The following FHIT variants were observed in gnomAD, a reference collection of about 807,000 sequenced individuals.
FHIT encodes the protein fragile histidine triad diadenosine triphosphatase.
A neutral mutation model predicts 17.9 loss-of-function variants in FHIT; 19 were observed. The observed-to-expected ratio is 1.06, with a 90% CI of 0.74 to 1.56. FHIT has a LOEUF of 1.56. Among genes scored for constraint, FHIT ranks in the 40% most tolerant of loss-of-function variants. The pLI, the probability that FHIT is intolerant of heterozygous loss-of-function variation, is 0.00. For synonymous variants in FHIT, 81 were observed against 69.7 expected (o/e 1.16, Z -0.81); for missense variants, 248 against 189.2 (o/e 1.31, Z -1.82).
At chr3:60,724,841 G>T (rs2041885226) in intron 4 of FHIT, among the ~76,000 whole-genome samples, 2 of 151,794 alleles carry the variant, frequency 1.3e-5, no homozygotes, top group African/African-American at 4.8e-5. Context: ...TTGAGATGGG[G>T]TTTCACCATG....
At chr3:60,782,237 G>GTGTA (rs1553725880) in intron 4 of FHIT, among the ~76,000 whole-genome samples, 137 of 95,590 alleles carry the variant, frequency 1.4e-3, no homozygotes, top group Middle Eastern at 6.4e-3. Context: ...GTGTGTGTGT[G>GTGTA]TATATATATA....
chr3:60,615,202 G>A (rs1236424812), intron 4 of FHIT, among the ~76,000 whole-genome samples: 2 of 152,146 alleles, frequency 1.3e-5, no homozygotes, highest in African/African-American at 2.4e-5. Flanking sequence ...TACTATCTGG[G>A]GATAATCTAG....
At chr3:60,414,861 TA>T (rs1225308791) in intron 5 of FHIT, among the ~76,000 whole-genome samples, 3 of 152,168 alleles carry the variant, frequency 2.0e-5, no homozygotes, top group African/African-American at 7.2e-5. Flanking sequence ...TTGAAACATT[TA>T]ACTGGCTTCC....
At chr3:61,196,424 C>T (rs894912640) in intron 2 of FHIT, among the ~76,000 whole-genome samples, 2 of 151,850 alleles carry the variant, frequency 1.3e-5, no homozygotes, top group Admixed American at 6.6e-5. Context: ...CCAAAACTTG[C>T]TTTTAAAAAA....
chr3:60,740,324 G>C (rs1466985598), intron 4 of FHIT, among the ~76,000 whole-genome samples: 1 of 152,022 alleles, frequency 6.6e-6, no homozygotes, highest in African/African-American at 2.4e-5. Flanking sequence ...GTGACCCCTG[G>C]CAATTCATTA....
In FHIT at chr3:60,869,942, G is replaced by C. The variant is rs117156573; in HGVS notation, c.-110-47931C>G. On this transcript the variant is annotated intron_variant, in intron 3 of 9. Coordinates refer to ENST00000492590, the MANE Select transcript of FHIT (RefSeq NM_002012.4). ...CCTCAGTACCCTGCTTTACCATTTA[G>C]TGTGGATTCTGACAAAAGAACAAAT... is the stretch of plus-strand genomic sequence containing the variant. Among the ~76,000 whole-genome samples, 7 of 152,212 alleles carry C rather than the reference G, an allele frequency of 4.6e-5. No homozygotes were observed. The East Asian group carries it at 1.4e-3, about 29-fold the overall frequency.
At chr3:60,266,322 T>G (rs1456165277) in intron 5 of FHIT, among the ~76,000 whole-genome samples, 1 of 152,012 alleles carries the variant, frequency 6.6e-6, no homozygotes. Flanking sequence ...GTGATTTCAT[T>G]TATAGGAAAT....
At chr3:59,779,704 T>C (rs1702485696) in intron 8 of FHIT, among the ~76,000 whole-genome samples, 1 of 152,148 alleles carries the variant, frequency 6.6e-6, no homozygotes, top group Admixed American at 6.6e-5. Context: ...AATCCTCAAG[T>C]CAGTGTCTCT....
chr3:60,711,675 G>T (rs2041536641), intron 4 of FHIT, among the ~76,000 whole-genome samples: 1 of 152,230 alleles, frequency 6.6e-6, no homozygotes, highest in African/African-American at 2.4e-5. Flanking sequence ...AAGGGTGTCA[G>T]TGATGGAAGA....
At chr3:60,939,063 C>T (rs1708308036) in intron 3 of FHIT, among the ~76,000 whole-genome samples, 1 of 152,138 alleles carries the variant, frequency 6.6e-6, no homozygotes, top group Admixed American at 6.5e-5. Context: ...AGATAAAAAG[C>T]AGTCAATTAG....
intron 5 of FHIT, among the ~76,000 whole-genome samples, chr3:60,435,429 C>T (rs751421461): frequency 1.7e-5 from 2 of 115,694 alleles, no homozygotes; most frequent in African/African-American, 3.1e-5. Flanking sequence ...TACTTTATAA[C>T]GTAATAAAAA....
intron 1 of FHIT, among the ~76,000 whole-genome samples, chr3:61,211,531 C>T (rs1220798117): frequency 6.6e-6 from 1 of 152,224 alleles, no homozygotes; most frequent in Admixed American, 6.5e-5. Context: ...CCCACCACAT[C>T]TCAAGGAGGC....
At chr3:61,005,288 C>T (rs2107611768) in intron 3 of FHIT, among the ~76,000 whole-genome samples, 1 of 152,132 alleles carries the variant, frequency 6.6e-6, no homozygotes, top group South Asian at 2.1e-4. Context: ...TTATTTTTAT[C>T]ACGTTGAGGG....
intron 4 of FHIT, among the ~76,000 whole-genome samples, chr3:60,691,544 CT>C (rs1181517922): frequency 1.3e-5 from 2 of 151,710 alleles, no homozygotes; most frequent in Non-Finnish European, 2.9e-5. Context: ...TAATTTTTGC[CT>C]TTTTTGAAGT....
chr3:60,665,795 T>G (rs797043105), intron 4 of FHIT, among the ~76,000 whole-genome samples: 3 of 152,214 alleles, frequency 2.0e-5, no homozygotes, highest in African/African-American at 7.2e-5. Context: ...AGTTAGCATT[T>G]CACTATACCA....
intron 5 of FHIT, among the ~76,000 whole-genome samples, chr3:60,530,616 C>T (rs148690615): frequency 7.2e-5 from 11 of 152,292 alleles, no homozygotes; most frequent in African/African-American, 2.2e-4. Flanking sequence ...TCTGACCCCA[C>T]GTGCAGCCTG....
intron 4 of FHIT, among the ~76,000 whole-genome samples, chr3:60,736,215 A>T (rs1409149750): frequency 6.6e-6 from 1 of 152,348 alleles, no homozygotes; most frequent in African/African-American, 2.4e-5. Flanking sequence ...ATGGTGCTTC[A>T]AAAAGCATCT....
intron 4 of FHIT, among the ~76,000 whole-genome samples, chr3:60,723,018 G>A (rs2107968097): frequency 1.3e-5 from 2 of 152,218 alleles, no homozygotes; most frequent in East Asian, 3.9e-4. Context: ...ACCGTTCCTG[G>A]CCTACTTTAA....
At position 60,182,211 on chromosome 3, in the gene FHIT, C is replaced by G. The variant is rs139773792; in HGVS notation, c.104-168059G>C. On this transcript the variant is annotated intron_variant, in intron 5 of 9. Transcript: ENST00000492590. ...CCCACCTGGTAGTTTTGGCTGGCTTCTTCACTGCATCTGAAAACGGGATTG... is the reference window on the plus strand; with the variant it reads ...CCCACCTGGTAGTTTTGGCTGGCTTGTTCACTGCATCTGAAAACGGGATTG... Among the ~76,000 whole-genome samples the G allele has an allele frequency of 6.1e-3, 931 of 152,272 alleles. 8 individuals are homozygous for G. Among genetic ancestry groups the G allele is most frequent in the African/African-American group, 0.021 (889 of 41,568 alleles).
Sources: allele counts gnomAD v4.1 joint callset (sites outside exome capture counted in the v4.1 genomes callset), GRCh38; gene constraint gnomAD v4.1.1; transcripts MANE v1.5; gene names NCBI Gene and HGNC (gene_info 2026-07-23, HGNC 2026-07-21).